The following ENTREP2 variants were observed in gnomAD, a reference collection of about 807,000 sequenced individuals.
The protein encoded by ENTREP2 is protein ENTREP2.
At chr15:29,320,458 A>C in the ENTREP2 span, among the ~76,000 whole-genome samples, 1 of 152,200 alleles carries the variant, frequency 6.6e-6, no homozygotes, top group African/African-American at 2.4e-5. Flanking sequence ...TATCTGATAC[A>C]CTATATTTGG....
chr15:29,303,407 T>C, the ENTREP2 span, among the ~76,000 whole-genome samples: 2 of 152,212 alleles, frequency 1.3e-5, no homozygotes, highest in South Asian at 4.1e-4. Context: ...TTCAGACAGA[T>C]AGCCCATGGC....
chr15:29,151,891 C>T, the ENTREP2 span: 1 of 1,412,246 alleles, frequency 7.1e-7, no homozygotes, highest in South Asian at 1.2e-5. Context: ...AAATAGATAG[C>T]AGAATCCTTA....
the ENTREP2 span, among the ~76,000 whole-genome samples, chr15:29,502,724 G>A: frequency 1.3e-5 from 2 of 151,914 alleles, no homozygotes; most frequent in African/African-American, 4.8e-5. Context: ...CATATATAAA[G>A]GACTCCTAGC....
the ENTREP2 span, among the ~76,000 whole-genome samples, chr15:29,501,392 A>T: frequency 6.6e-6 from 1 of 152,086 alleles, no homozygotes; most frequent in East Asian, 1.9e-4. Context: ...TATCAACATA[A>T]TAAAGCATAT....
the ENTREP2 span, among the ~76,000 whole-genome samples, chr15:29,400,101 C>A: frequency 2.4e-3 from 364 of 152,066 alleles, no homozygotes; most frequent in Non-Finnish European, 2.7e-3. Flanking sequence ...TCCTGACAAC[C>A]CTAATTAGTA....
chr15:29,212,123 G>A, the ENTREP2 span, among the ~76,000 whole-genome samples: 48 of 152,036 alleles, frequency 3.2e-4, no homozygotes, highest in African/African-American at 9.4e-4. Context: ...TTTTTTGTTG[G>A]TAATTTTTAA....
At chr15:29,416,801 G>A in the ENTREP2 span, among the ~76,000 whole-genome samples, 1 of 152,144 alleles carries the variant, frequency 6.6e-6, no homozygotes, top group African/African-American at 2.4e-5. Flanking sequence ...AAATTTACAA[G>A]AAGAAAACAA....
the ENTREP2 span, among the ~76,000 whole-genome samples, chr15:29,412,510 T>C: frequency 6.6e-6 from 1 of 152,142 alleles, no homozygotes; most frequent in African/African-American, 2.4e-5. Context: ...TGTTTCCTCA[T>C]TAAGAATAAA....
chr15:29,170,567 G>A, the ENTREP2 span, among the ~76,000 whole-genome samples: 21 of 151,834 alleles, frequency 1.4e-4, no homozygotes, highest in Admixed American at 5.2e-4. Context: ...TTCCAACAAA[G>A]ACCACAACAA....
At chr15:29,280,048 T>G in the ENTREP2 span, among the ~76,000 whole-genome samples, 1 of 152,220 alleles carries the variant, frequency 6.6e-6, no homozygotes, top group African/African-American at 2.4e-5. Flanking sequence ...ACATTTCCGT[T>G]TTGATGTATC....
the ENTREP2 span, among the ~76,000 whole-genome samples, chr15:29,649,637 C>T: frequency 1.5e-4 from 23 of 148,964 alleles, no homozygotes; most frequent in African/African-American, 5.0e-4. Flanking sequence ...GGAGAATCGA[C>T]TGAACCTGGG....
the ENTREP2 span, among the ~76,000 whole-genome samples, chr15:29,493,325 G>C: frequency 1.3e-5 from 2 of 150,086 alleles, no homozygotes; most frequent in African/African-American, 4.9e-5. Flanking sequence ...AGTAGAGACG[G>C]GGTTTCACCG....
At chr15:29,340,946 T>C in the ENTREP2 span, among the ~76,000 whole-genome samples, 2 of 152,324 alleles carry the variant, frequency 1.3e-5, no homozygotes, top group South Asian at 4.1e-4. Flanking sequence ...CCATTTACTA[T>C]TTCACTTATT....
the ENTREP2 span, among the ~76,000 whole-genome samples, chr15:29,330,627 A>G: frequency 3.9e-5 from 6 of 152,116 alleles, no homozygotes; most frequent in African/African-American, 9.7e-5. Context: ...AAAAGCCACA[A>G]CTGTGAGGAG....
At chr15:29,490,537 A>T in the ENTREP2 span, among the ~76,000 whole-genome samples, 9 of 152,200 alleles carry the variant, frequency 5.9e-5, no homozygotes, top group African/African-American at 2.2e-4. Flanking sequence ...TCCGTTTTAC[A>T]GAGAGCTAAT....
the ENTREP2 span, among the ~76,000 whole-genome samples, chr15:29,180,945 G>C: frequency 5.3e-5 from 8 of 150,264 alleles, no homozygotes; most frequent in East Asian, 1.6e-3. Flanking sequence ...TGGAAGGAAG[G>C]AAAAAATGGA....
the ENTREP2 span, among the ~76,000 whole-genome samples, chr15:29,671,738 A>G: frequency 6.6e-6 from 1 of 152,050 alleles, no homozygotes; most frequent in African/African-American, 2.4e-5. Flanking sequence ...GATCTGAGCC[A>G]CTCATTTCCC....
At chr15:29,195,065 C>T in the ENTREP2 span, 3 of 954,554 alleles carry the variant, frequency 3.1e-6, no homozygotes, top group Admixed American at 6.2e-5. Context: ...CTCCAGGATG[C>T]AGTGAGGTAG....
At chr15:29,555,778 T>C in the ENTREP2 span, among the ~76,000 whole-genome samples, 3 of 152,186 alleles carry the variant, frequency 2.0e-5, no homozygotes, top group Non-Finnish European at 4.4e-5. Context: ...CCTACCTCTT[T>C]CCTTTTTACA....
Sources: gnomAD v4.1 joint callset for allele counts (sites outside exome capture counted in the v4.1 genomes callset) on GRCh38, gnomAD v4.1.1 for gene constraint, MANE v1.5 for transcripts, NCBI Gene and HGNC (gene_info 2026-07-23, HGNC 2026-07-21) for gene names.